SLC9A9: variants seen among roughly 807,000 people sequenced by gnomAD.
The protein encoded by SLC9A9 is solute carrier family 9 member A9.
Under a neutral mutation model 77.8 loss-of-function variants are expected in SLC9A9, and 62 were observed. The observed-to-expected ratio is 0.80, with a 90% CI of 0.65 to 0.98. The LOEUF (loss-of-function observed/expected upper bound fraction) is 0.98, where lower values mean the gene tolerates loss of function less well. Ranked by LOEUF, SLC9A9 falls within the 50% of genes least tolerant of loss-of-function variation. SLC9A9 has a pLI of 0.00. For synonymous variants in SLC9A9, 320 were observed against 283.5 expected, an observed-to-expected ratio of 1.13 and a Z score of -1.29; for missense variants, 775 against 774.9, an observed-to-expected ratio of 1.00 and a Z score of 0.00.
At chr3:143,418,472 A>G (rs2034237637) in intron 12 of SLC9A9, among the ~76,000 whole-genome samples, 1 of 152,064 alleles carries the variant, frequency 6.6e-6, no homozygotes, top group Non-Finnish European at 1.5e-5. Flanking sequence ...TTTAAAAGAA[A>G]TTACTTCTTG....
At chr3:143,312,997 G>A (rs370594482) in intron 14 of SLC9A9, 6 of 152,294 alleles carry the variant, frequency 3.9e-5, no homozygotes, top group South Asian at 4.1e-4. Context: ...CCTCCTAGGA[G>A]ACCTTGAAGC....
intron 5 of SLC9A9, chr3:143,655,363 A>C: frequency 1.6e-6 from 1 of 617,370 alleles, no homozygotes; most frequent in Non-Finnish European, 2.0e-6. Flanking sequence ...TGCCCATGTA[A>C]ATGAGAGTTC....
intron 14 of SLC9A9, among the ~76,000 whole-genome samples, chr3:143,347,522 C>T (rs930305572): frequency 6.6e-5 from 10 of 152,168 alleles, no homozygotes; most frequent in African/African-American, 2.2e-4. Flanking sequence ...AACTACATCT[C>T]TTTAAGGTCC....
chr3:143,331,053 AAT>A (rs1422802147), intron 14 of SLC9A9, among the ~76,000 whole-genome samples: 2 of 152,212 alleles, frequency 1.3e-5, no homozygotes, highest in African/African-American at 4.8e-5. Flanking sequence ...ACCTTTAGTT[AAT>A]AGAGTACAGC....
intron 9 of SLC9A9, among the ~76,000 whole-genome samples, chr3:143,509,815 T>C (rs1314269484): frequency 6.6e-6 from 1 of 152,206 alleles, no homozygotes; most frequent in East Asian, 1.9e-4. Context: ...AGAAAGACTG[T>C]ACTATAGATA....
chr3:143,735,433 G>A (rs1934916595), intron 4 of SLC9A9, among the ~76,000 whole-genome samples: 1 of 152,156 alleles, frequency 6.6e-6, no homozygotes, highest in African/African-American at 2.4e-5. Context: ...ACACTTCAAT[G>A]AGCCTAGGAA....
At chr3:143,541,594 G>T (rs1313482861) in intron 9 of SLC9A9, among the ~76,000 whole-genome samples, 2 of 152,310 alleles carry the variant, frequency 1.3e-5, no homozygotes, top group East Asian at 3.9e-4. Flanking sequence ...TTAGAGGCAG[G>T]TGCTGTGTAT....
At chr3:143,513,247 T>A (rs1467911242) in intron 9 of SLC9A9, among the ~76,000 whole-genome samples, 2 of 152,204 alleles carry the variant, frequency 1.3e-5, no homozygotes, top group African/African-American at 4.8e-5. Context: ...TCAACCAAGT[T>A]TATGTGATAT....
At chr3:143,387,424 T>C (rs1430128766) in intron 12 of SLC9A9, among the ~76,000 whole-genome samples, 2 of 151,600 alleles carry the variant, frequency 1.3e-5, no homozygotes, top group African/African-American at 2.4e-5. Flanking sequence ...GAAATAAATA[T>C]AGAAAAAATA....
intron 14 of SLC9A9, among the ~76,000 whole-genome samples, chr3:143,357,351 G>A (rs2032621167): frequency 6.6e-6 from 1 of 152,138 alleles, no homozygotes; most frequent in Non-Finnish European, 1.5e-5. Context: ...AAGACTTTGT[G>A]AGGGTCAACC....
chr3:143,421,253 A>G (rs964743063), intron 12 of SLC9A9, among the ~76,000 whole-genome samples: 2 of 152,212 alleles, frequency 1.3e-5, no homozygotes, highest in African/African-American at 4.8e-5. Flanking sequence ...TTTTCATAGA[A>G]TTAGGAAAAA....
At chr3:143,761,205 C>A (rs984190522) in intron 4 of SLC9A9, among the ~76,000 whole-genome samples, 97 of 152,124 alleles carry the variant, frequency 6.4e-4, no homozygotes, top group African/African-American at 1.9e-3. Context: ...GATGGATTAA[C>A]GACTTAAATG....
chr3:143,597,967 T>C (rs974115486), intron 6 of SLC9A9, among the ~76,000 whole-genome samples: 1 of 152,156 alleles, frequency 6.6e-6, no homozygotes, highest in East Asian at 1.9e-4. Flanking sequence ...GGCGCTGCCT[T>C]CCCTAGAATC....
intron 9 of SLC9A9, among the ~76,000 whole-genome samples, chr3:143,543,554 C>A (rs1576566242): frequency 1.3e-5 from 2 of 152,280 alleles, no homozygotes; most frequent in South Asian, 4.1e-4. Flanking sequence ...TCCCTGCCTT[C>A]TAGTAGCTCT....
intron 9 of SLC9A9, among the ~76,000 whole-genome samples, chr3:143,525,301 A>G (rs558242835): frequency 6.6e-6 from 1 of 152,346 alleles, no homozygotes; most frequent in African/African-American, 2.4e-5. Context: ...GTGAGGACAA[A>G]GCTTCTGTAA....
chr3:143,466,668 A>T (rs2035285448), intron 12 of SLC9A9, among the ~76,000 whole-genome samples: 1 of 152,198 alleles, frequency 6.6e-6, no homozygotes, highest in South Asian at 2.1e-4. Flanking sequence ...TGTATTATAG[A>T]TTTCTCTGTA....
rs1934491282 is a variant in SLC9A9, at chr3:143,721,245, G to A, written c.534-27938C>T. ...GGTATAATCTTTGTACCCTAAAGAAGTCCCCTCTTTAAGTGCCTCTTTAAA... is the reference window on the plus strand; with the variant it reads ...GGTATAATCTTTGTACCCTAAAGAAATCCCCTCTTTAAGTGCCTCTTTAAA... On this transcript the variant is annotated intron_variant, in intron 4 of 15. Coordinates refer to ENST00000316549, the MANE Select transcript of SLC9A9 (RefSeq NM_173653.4). Among the ~76,000 whole-genome samples, 3 of 152,096 alleles carry A rather than the reference G, an allele frequency of 2.0e-5. 1 individual carries two copies. In the South Asian group the frequency reaches 6.2e-4, roughly 32 times the overall value.
In SLC9A9 at chr3:143,712,521, G is replaced by T. The variant is rs78349407; in HGVS notation, c.534-19214C>A. 6.0e-3 allele frequency among the ~76,000 whole-genome samples: 910 copies of T among 152,312 alleles called. 13 individuals are homozygous for T. The highest frequency in any genetic ancestry group is 0.021 in the African/African-American group (859 of 41,574). On this transcript the variant is annotated intron_variant, in intron 4 of 15. Transcript: ENST00000316549. ...GAAGTAAACAAACTATTACAATCCA[G>T]TGTAGAAGGCCATTTTCTAGCTCTT...
At chr3:143,670,986 G>A (rs1455896027) in intron 5 of SLC9A9, among the ~76,000 whole-genome samples, 3 of 152,184 alleles carry the variant, frequency 2.0e-5, no homozygotes, top group African/African-American at 7.2e-5. Flanking sequence ...CAGCAATGGT[G>A]TAGGACAAAG....
Sources: gnomAD v4.1 joint callset for allele counts (sites outside exome capture counted in the v4.1 genomes callset) on GRCh38, gnomAD v4.1.1 for gene constraint, MANE v1.5 for transcripts, NCBI Gene and HGNC (gene_info 2026-07-23, HGNC 2026-07-21) for gene names.